Variants in DOCK1 observed in about 807,000 individuals in gnomAD.
DOCK1 encodes dedicator of cytokinesis protein 1.
In DOCK1, 138 loss-of-function variants were observed where a neutral mutation model predicts 262.7. That is an observed-to-expected ratio of 0.53 (90% CI 0.46 to 0.61). DOCK1 has a LOEUF of 0.61. Among genes scored for constraint, DOCK1 ranks in the 20% least tolerant of loss-of-function variants. The pLI is 0.00. For missense variants in DOCK1, 1,908 were observed against 2,370.7 expected (o/e 0.80, Z 4.05); for synonymous variants, 866 against 867.4 (o/e 1.00, Z 0.03).
chr10:126,920,468 T>C (rs889793765), intron 1 of DOCK1, among the ~76,000 whole-genome samples: 6 of 152,214 alleles, frequency 3.9e-5, no homozygotes, highest in African/African-American at 1.4e-4. Flanking sequence ...CCCAGAGCTT[T>C]CGGGTCTTGA....
chr10:127,354,084 G>A (rs141824301), intron 31 of DOCK1, among the ~76,000 whole-genome samples: 6 of 152,198 alleles, frequency 3.9e-5, no homozygotes, highest in Non-Finnish European at 7.4e-5. Flanking sequence ...ATCAAATTCT[G>A]TTTACTCATG....
At chr10:126,964,882 G>T (rs2037542929) in intron 1 of DOCK1, among the ~76,000 whole-genome samples, 1 of 152,208 alleles carries the variant, frequency 6.6e-6, no homozygotes, top group Admixed American at 6.5e-5. Flanking sequence ...TTTTTGCAGA[G>T]GGCAAGAGCA....
chr10:127,106,332 A>C, intron 24 of DOCK1, 31 bp downstream of exon 24: 1 of 1,574,606 alleles, frequency 6.4e-7, no homozygotes, highest in Non-Finnish European at 8.6e-7. Flanking sequence ...AATGCTTGTC[A>C]CGTGCCGTGT....
rs747272701 is a variant in DOCK1 at position 127,433,268 on chromosome 10, C to G, written c.4915-15C>G. 3 of 1,613,124 alleles carry G rather than the reference C, an allele frequency of 1.9e-6. No individual in the cohort carries two copies. In the Admixed American group the frequency reaches 5.0e-5, roughly 27 times the overall value. ...GCATCAAACAAGTCTCCTTCTCTCT[C>G]TTTCTCGCTCTCAGCCCTCAAGTCT... On this transcript the variant is annotated splice_polypyrimidine_tract_variant and intron_variant, in intron 47 of 51. Transcript: ENST00000623213.
intron 32 of DOCK1, among the ~76,000 whole-genome samples, chr10:127,356,232 G>C (rs185940195): frequency 6.6e-6 from 1 of 152,304 alleles, no homozygotes; most frequent in Admixed American, 6.5e-5. Flanking sequence ...AGGGAGGAAG[G>C]TAGGGGCTCT....
chr10:127,194,913 C>A (rs2056999646), intron 27 of DOCK1, among the ~76,000 whole-genome samples: 1 of 152,208 alleles, frequency 6.6e-6, no homozygotes, highest in Admixed American at 6.5e-5. Flanking sequence ...CGCTTCACCG[C>A]TGCTTCTGGC....
chr10:127,282,248 TTCTCTC>T (rs146601755), intron 29 of DOCK1, among the ~76,000 whole-genome samples: 2 of 149,256 alleles, frequency 1.3e-5, no homozygotes, highest in Admixed American at 6.7e-5. Context: ...TCTGTCTCTT[TTCTCTC>T]TCTCTCTCTC....
At chr10:127,212,122 A>G (rs1018275091) in intron 27 of DOCK1, among the ~76,000 whole-genome samples, 4 of 152,192 alleles carry the variant, frequency 2.6e-5, no homozygotes, top group South Asian at 2.1e-4. Context: ...CATCCTTTCA[A>G]TGACTCCGAG....
chr10:127,305,380 A>T (rs1396650773), intron 29 of DOCK1, among the ~76,000 whole-genome samples: 1 of 152,186 alleles, frequency 6.6e-6, no homozygotes, highest in Non-Finnish European at 1.5e-5. Context: ...TGGTCAGTGT[A>T]TCCCGAGGCA....
intron 27 of DOCK1, chr10:127,137,802 TA>T (rs1398635417): frequency 6.3e-7 from 1 of 1,586,332 alleles, no homozygotes; most frequent in Admixed American, 1.8e-5. Context: ...CAGTGGGTTC[TA>T]AAGACGGCCT....
rs1167406193 is a variant in DOCK1, at chr10:127,446,400, C to G, written c.5414-994C>G. Among the ~76,000 whole-genome samples, 1 of 152,084 alleles carries G rather than the reference C, an allele frequency of 6.6e-6. No individual in the cohort carries two copies. The highest frequency in any genetic ancestry group is 1.5e-5 in the Non-Finnish European group (1 of 68,026). ...ATACATCATGGTGATGGTTATCCCCCACGGTCGATGTGATTAATGCCACCA... is the reference window on the plus strand; with the variant it reads ...ATACATCATGGTGATGGTTATCCCCGACGGTCGATGTGATTAATGCCACCA... On this transcript the variant is annotated intron_variant, in intron 50 of 51. Transcript: ENST00000623213. This position sits in a 1 kb window ranked among gnomAD's most constrained non-coding sequence, Gnocchi z 4.4.
chr10:127,451,541 G>T lies in DOCK1; in HGVS notation c.*114G>T. 1 of 1,521,998 alleles carries T rather than the reference G, an allele frequency of 6.6e-7. No individual in the cohort carries two copies. Among genetic ancestry groups the T allele is most frequent in the Non-Finnish European group, 8.8e-7 (1 of 1,135,784 alleles). 94.3% of individuals were successfully genotyped at this position (1,521,998 alleles called of 1,614,324 possible). On this transcript the variant is annotated 3_prime_UTR_variant, in exon 52 of 52. Coordinates refer to ENST00000623213, the MANE Select transcript of DOCK1 (RefSeq NM_001290223.2). Reference sequence around the variant, plus strand: ...ATTGGGCCTGTGATGTTAACATTTCGTGCGACTGCTTTTTCTTCAAAGGAG... The same window carrying T: ...ATTGGGCCTGTGATGTTAACATTTCTTGCGACTGCTTTTTCTTCAAAGGAG...
chr10:127,213,334 T>C (rs1391442153), intron 27 of DOCK1, among the ~76,000 whole-genome samples: 41 of 152,336 alleles, frequency 2.7e-4, no homozygotes, highest in Admixed American at 2.5e-3. Flanking sequence ...ATCAGTGATA[T>C]GTTCTAATGC....
At chr10:127,270,050 G>A (rs758321140) in intron 29 of DOCK1, among the ~76,000 whole-genome samples, 29 of 152,124 alleles carry the variant, frequency 1.9e-4, no homozygotes, top group Non-Finnish European at 3.1e-4. Context: ...ATCATACACA[G>A]GACCCAGTGG....
At chr10:127,013,994 C>T (rs2041672460) in intron 12 of DOCK1, among the ~76,000 whole-genome samples, 1 of 152,248 alleles carries the variant, frequency 6.6e-6, no homozygotes, top group South Asian at 2.1e-4. Context: ...TGTCAAGTGA[C>T]TGTTAGCGGC....
At chr10:127,003,463 G>C (rs1040549164) in intron 10 of DOCK1, among the ~76,000 whole-genome samples, 1 of 152,174 alleles carries the variant, frequency 6.6e-6, no homozygotes, top group African/African-American at 2.4e-5. Context: ...TTGGGTTGCC[G>C]GGTCCTTTGA....
chr10:127,382,266 G>A (rs116285594), intron 37 of DOCK1, among the ~76,000 whole-genome samples: 8 of 152,300 alleles, frequency 5.3e-5, no homozygotes, highest in African/African-American at 1.9e-4. Context: ...ATTCAGTAGT[G>A]TCAATTAGGT....
intron 1 of DOCK1, among the ~76,000 whole-genome samples, chr10:126,950,293 C>T (rs1309347655): frequency 6.6e-6 from 1 of 151,978 alleles, no homozygotes; most frequent in Non-Finnish European, 1.5e-5. Flanking sequence ...CTTTGGGTGG[C>T]AGTTCTTACC....
At chr10:127,356,632 G>A (rs1325748920) in intron 32 of DOCK1, among the ~76,000 whole-genome samples, 2 of 152,066 alleles carry the variant, frequency 1.3e-5, no homozygotes, top group African/African-American at 2.4e-5. Context: ...GGCAGGAGAC[G>A]GGGGAGGGCT....
Sources: gnomAD v4.1 joint callset for allele counts (sites outside exome capture counted in the v4.1 genomes callset) on GRCh38, gnomAD v4.1.1 for gene constraint, Gnocchi (gnomAD v3.1) non-coding constraint, MANE v1.5 for transcripts, NCBI Gene and HGNC (gene_info 2026-07-23, HGNC 2026-07-21) for gene names.